The following RBP2 variants were observed in gnomAD, a reference collection of about 807,000 sequenced individuals.
RBP2 encodes the protein retinol binding protein 2.
In RBP2, 17 loss-of-function variants were observed where a neutral mutation model predicts 17.0. The ratio of observed to expected loss-of-function variants is 1.00; its 90% CI spans 0.68 to 1.50. The LOEUF is 1.50. RBP2 is among the 40% of genes most tolerant of loss of function. The probability of loss-of-function intolerance (pLI) is 0.00; values close to 1 mark genes in which losing one functional copy is unlikely to be tolerated. For synonymous variants in RBP2, 48 were observed against 57.1 expected (o/e 0.84, Z 0.72); for missense variants, 158 against 168.2 (o/e 0.94, Z 0.33).
chr3:139,476,483 G>A lies in RBP2; in HGVS notation c.-24C>T. The A allele has an allele frequency of 6.2e-7, 1 of 1,611,432 alleles. No individual in the cohort carries two copies. Among genetic ancestry groups the A allele is most frequent in the Non-Finnish European group, 8.5e-7 (1 of 1,177,792 alleles). ...ATGGTGGTGGCCACTGGTTCGGTGA[G>A]GGTTTGTGGTGGATGGCAAGGAGCA... On this transcript the variant is annotated 5_prime_UTR_variant, in exon 1 of 4. Transcript: ENST00000232217.
intron 1 of RBP2, among the ~76,000 whole-genome samples, chr3:139,473,747 C>T (rs1933638849): frequency 6.6e-6 from 1 of 152,232 alleles, no homozygotes; most frequent in Non-Finnish European, 1.5e-5. Flanking sequence ...CCCCTGAGAC[C>T]TGTCTTCAAT....
At chr3:139,469,687 G>GTCTATCTATCTATCTA (rs543597083) in intron 1 of RBP2, among the ~76,000 whole-genome samples, 401 of 132,976 alleles carry the variant, frequency 3.0e-3, no homozygotes, top group East Asian at 5.2e-3. Context: ...CTGTCTGTCT[G>GTCTATCTATCTATCTA]TCTATCTATC....
chr3:139,466,095 T>C (rs747718562), intron 1 of RBP2, among the ~76,000 whole-genome samples: 11 of 152,182 alleles, frequency 7.2e-5, no homozygotes, highest in Admixed American at 1.3e-4. Flanking sequence ...AGATGAGGAA[T>C]TAAAACCAAG....
chr3:139,458,792 T>C (rs6784684), intron 2 of RBP2, among the ~76,000 whole-genome samples: 81,332 of 152,132 alleles, frequency 0.53, 24,686 homozygotes, highest in East Asian at 0.92. Context: ...TTCATCCTTT[T>C]TCATGGCTGC....
At chr3:139,455,543 T>C (rs1943380639) in intron 2 of RBP2, among the ~76,000 whole-genome samples, 1 of 152,166 alleles carries the variant, frequency 6.6e-6, no homozygotes, top group South Asian at 2.1e-4. Context: ...ATAAATCTCT[T>C]TGGAGGGCAA....
chr3:139,463,822 T>C (rs1191211273), intron 1 of RBP2, among the ~76,000 whole-genome samples: 1 of 152,270 alleles, frequency 6.6e-6, no homozygotes, highest in African/African-American at 2.4e-5. Flanking sequence ...TTTAATATTT[T>C]TTTTAGAAAA....
At chr3:139,464,578 G>A (rs1933298779) in intron 1 of RBP2, among the ~76,000 whole-genome samples, 1 of 152,162 alleles carries the variant, frequency 6.6e-6, no homozygotes, top group South Asian at 2.1e-4. Flanking sequence ...GCATGAGAAA[G>A]GGCCCTGGGT....
chr3:139,463,379 G>T (rs1024316933), intron 1 of RBP2, among the ~76,000 whole-genome samples: 3 of 151,972 alleles, frequency 2.0e-5, no homozygotes. Context: ...ATAGAGATCG[G>T]TTTTCACCAT....
In RBP2 at chr3:139,473,631, G is replaced by A. The variant is rs114521331; in HGVS notation, c.73+2756C>T. 4.4e-3 allele frequency among the ~76,000 whole-genome samples: 674 copies of A among 152,288 alleles called. 7 individuals are homozygous for A. Among genetic ancestry groups the A allele is most frequent in the African/African-American group, 0.016 (656 of 41,566 alleles). On this transcript the variant is annotated intron_variant, in intron 1 of 3. Transcript: ENST00000232217. Reference sequence around the variant, plus strand: ...TTGACATCTCAGTGTTGGGAAAGCAGCCTGTCTTATGTCCTGGGCATGGAG... The same window carrying A: ...TTGACATCTCAGTGTTGGGAAAGCAACCTGTCTTATGTCCTGGGCATGGAG...
chr3:139,469,706 T>TATCTATCC (rs1933491318), intron 1 of RBP2, among the ~76,000 whole-genome samples: 1 of 151,576 alleles, frequency 6.6e-6, no homozygotes, highest in African/African-American at 2.4e-5. Context: ...TCTATCTATC[T>TATCTATCC]ATCTATCTAT....
In RBP2 at chr3:139,454,092, G is replaced by A. The variant is rs535160131; in HGVS notation, c.354+637C>T. On this transcript the variant is annotated intron_variant, in intron 3 of 3. Coordinates refer to ENST00000232217, the MANE Select transcript of RBP2 (RefSeq NM_004164.3). ...ATGAGCCATTCATTTACAAATGAGC[G>A]AAAAAGGATGAAGGAGTGAGAGATT... Among the ~76,000 whole-genome samples, 42 of 152,226 alleles carry A rather than the reference G, an allele frequency of 2.8e-4. 1 individual carries two copies. The South Asian group carries it at 7.5e-3, about 27-fold the overall frequency.
intron 2 of RBP2, among the ~76,000 whole-genome samples, chr3:139,461,890 G>A (rs555385907): frequency 8.8e-4 from 134 of 152,272 alleles, no homozygotes; most frequent in East Asian, 7.7e-4. Flanking sequence ...ATAGGCCCTG[G>A]CCCTGGATCA....
At position 139,462,102 on chromosome 3, in the gene RBP2, C is replaced by G. The variant is rs368788954; in HGVS notation, c.252+10G>C. On this transcript the variant is annotated intron_variant, in intron 2 of 3. Coordinates refer to ENST00000232217, the MANE Select transcript of RBP2 (RefSeq NM_004164.3). ...ATGTGTGAATGAAAAACACCAGCCC[C>G]GGTCAGTACCTTAACATGCCGGTTA... 336 of 1,612,010 alleles carry G rather than the reference C, an allele frequency of 2.1e-4. No homozygotes were observed. Among genetic ancestry groups the G allele is most frequent in the Non-Finnish European group, 2.7e-4 (323 of 1,178,446 alleles).
intron 2 of RBP2, among the ~76,000 whole-genome samples, chr3:139,457,777 C>G (rs1395733866): frequency 3.9e-5 from 6 of 152,154 alleles, no homozygotes; most frequent in African/African-American, 7.2e-5. Flanking sequence ...GCCCTTCTTT[C>G]TCAGCTAGGG....
intron 1 of RBP2, among the ~76,000 whole-genome samples, chr3:139,470,164 C>G (rs1054040333): frequency 6.6e-6 from 1 of 152,154 alleles, no homozygotes; most frequent in Admixed American, 6.6e-5. Context: ...CATGCTCCCC[C>G]GCCACCCCAG....
chr3:139,454,677 A>T (rs1228533592), intron 3 of RBP2, 52 bp downstream of exon 3: 4 of 1,560,396 alleles, frequency 2.6e-6, no homozygotes, highest in Non-Finnish European at 3.5e-6. Context: ...AGGTGACCAC[A>T]GTAGCGTGTG....
intron 1 of RBP2, among the ~76,000 whole-genome samples, chr3:139,475,647 C>G (rs1433349514): frequency 6.6e-6 from 1 of 152,182 alleles, no homozygotes; most frequent in Non-Finnish European, 1.5e-5. Context: ...TAAGGTCAGG[C>G]AGCCAAAGCC....
intron 1 of RBP2, among the ~76,000 whole-genome samples, chr3:139,469,687 G>GTCTGTCTGTCTGTCTATCTA (rs1432677359): frequency 2.9e-4 from 38 of 132,866 alleles, no homozygotes; most frequent in South Asian, 7.5e-4. Context: ...CTGTCTGTCT[G>GTCTGTCTGTCTGTCTATCTA]TCTATCTATC....
At chr3:139,474,788 T>A (rs943691489) in intron 1 of RBP2, among the ~76,000 whole-genome samples, 2 of 152,208 alleles carry the variant, frequency 1.3e-5, no homozygotes, top group Non-Finnish European at 2.9e-5. Context: ...CTTATCTGTA[T>A]AATCTTGTTC....
Sources: allele counts gnomAD v4.1 joint callset (sites outside exome capture counted in the v4.1 genomes callset), GRCh38; gene constraint gnomAD v4.1.1; transcripts MANE v1.5; gene names NCBI Gene and HGNC (gene_info 2026-07-23, HGNC 2026-07-21).